LAMA1: variants seen among roughly 807,000 people sequenced by gnomAD.
LAMA1 encodes laminin subunit alpha-1.
Under a neutral mutation model 348.7 loss-of-function variants are expected in LAMA1, and 219 were observed. The observed-to-expected ratio is 0.63, with a 90% CI of 0.56 to 0.70. The LOEUF (loss-of-function observed/expected upper bound fraction) is 0.70. LAMA1 is among the 30% of genes least tolerant of loss of function. The pLI, the probability that LAMA1 is intolerant of heterozygous loss-of-function variation, is 0.00. For synonymous variants in LAMA1, 1,487 were observed against 1,491.0 expected (o/e 1.00, Z 0.06); for missense variants, 3,744 against 3,888.0 (o/e 0.96, Z 0.99).
In LAMA1 at chr18:6,950,828, G is replaced by T; in HGVS notation, c.8351C>A (p.Thr2784Lys). The T allele has an allele frequency of 1.2e-6, 2 of 1,614,122 alleles. No homozygotes were observed. The highest frequency in any genetic ancestry group is 1.7e-6 in the Non-Finnish European group (2 of 1,180,014). ...GAGCAGTGCAGGGTGAGAGACCTTT[G>T]TTCTGCCTTTGCCAAGGTCAAACAT... ...HFMFDLGKGRTKVSHPALLSD... is the reference protein window; with the variant it reads ...HFMFDLGKGRKKVSHPALLSD... The change falls in exon 58 of 63, where the codon ACA (threonine) becomes AAA (lysine). Residue 2784 changes from threonine to lysine, a missense_variant. Coordinates refer to ENST00000389658, the MANE Select transcript of LAMA1 (RefSeq NM_005559.4).
rs199752725 is a variant in LAMA1 at position 6,943,343 on chromosome 18, G to T, written c.8904C>A (p.Thr2968=). 8.9e-5 allele frequency: 144 copies of T among 1,613,970 alleles called. 1 individual carries two copies. The highest frequency in any genetic ancestry group is 1.6e-4 in the Middle Eastern group (1 of 6,084). The change falls in exon 62 of 63, where the codon ACC becomes ACA. Residue 2968 remains threonine (T), a synonymous_variant. Coordinates refer to ENST00000389658, the MANE Select transcript of LAMA1 (RefSeq NM_005559.4). ...GRITAAYEPK[T]ATVLCDGKWH... ...ATTTTCCATCACAGAGCACAGTGGCGGTTTTGGGCTCATATGCAGCTGTTA... is the reference window on the plus strand; with the variant it reads ...ATTTTCCATCACAGAGCACAGTGGCTGTTTTGGGCTCATATGCAGCTGTTA...
chr18:6,998,975 A>G (rs611944), intron 32 of LAMA1, among the ~76,000 whole-genome samples: 71,669 of 151,938 alleles, frequency 0.47, 18,706 homozygotes, highest in African/African-American at 0.72. Context: ...GGAGGTTGCA[A>G]TAAGCCGAGA....
intron 24 of LAMA1, 43 bp from the exon 25 acceptor site, chr18:7,011,522 C>G: frequency 6.5e-7 from 1 of 1,533,080 alleles, no homozygotes; most frequent in South Asian, 1.2e-5. Context: ...AAAATGCGAA[C>G]TTTCCACTCC....
At chr18:6,945,315 G>A (rs2057516929) in intron 61 of LAMA1, among the ~76,000 whole-genome samples, 2 of 152,028 alleles carry the variant, frequency 1.3e-5, no homozygotes, top group African/African-American at 4.8e-5. Context: ...ATGACATCAA[G>A]TTAGTTCTGG....
chr18:7,112,120 A>C (rs770271430), intron 1 of LAMA1, among the ~76,000 whole-genome samples: 1 of 152,238 alleles, frequency 6.6e-6, no homozygotes, highest in Non-Finnish European at 1.5e-5. Context: ...ATACTATAGT[A>C]AACAATACTT....
chr18:7,108,795 AAGTTGCAAAG>A (rs1481385974), intron 1 of LAMA1, among the ~76,000 whole-genome samples: 28 of 152,272 alleles, frequency 1.8e-4, no homozygotes, highest in African/African-American at 6.3e-4. Context: ...GCCAGGGGTG[AAGTTGCAAAG>A]AGTTGGAAAA....
In LAMA1 at chr18:7,101,540, C is replaced by T. The variant is rs148702985; in HGVS notation, c.61+16120G>A. Among the ~76,000 whole-genome samples the T allele has an allele frequency of 4.7e-3, 717 of 152,274 alleles. 10 individuals are homozygous for T. The highest frequency in any genetic ancestry group is 0.016 in the African/African-American group (679 of 41,542). On this transcript the variant is annotated intron_variant, in intron 1 of 62. Transcript: ENST00000389658. ...GTTCATAATGTGTATTGCAGAAGTG[C>T]GTGTTGGATCCAAGTTATTCTCTTG...
intron 9 of LAMA1, among the ~76,000 whole-genome samples, chr18:7,041,483 A>C (rs2058020402): frequency 6.6e-6 from 1 of 152,140 alleles, no homozygotes; most frequent in African/African-American, 2.4e-5. Context: ...ACCCATCCCT[A>C]CTGGTCGATA....
chr18:7,030,437 C>A (rs2057963548), intron 16 of LAMA1, among the ~76,000 whole-genome samples: 2 of 151,862 alleles, frequency 1.3e-5, no homozygotes, highest in African/African-American at 4.8e-5. Flanking sequence ...TGGGTTCGAT[C>A]CTACAAAAAA....
intron 1 of LAMA1, among the ~76,000 whole-genome samples, chr18:7,106,360 G>T (rs1195493701): frequency 1.3e-5 from 2 of 149,226 alleles, no homozygotes; most frequent in African/African-American, 5.1e-5. Flanking sequence ...CACCTGGGAA[G>T]CATTTTTTTT....
At chr18:7,072,256 T>A (rs2058149172) in intron 3 of LAMA1, among the ~76,000 whole-genome samples, 1 of 152,216 alleles carries the variant, frequency 6.6e-6, no homozygotes, top group Non-Finnish European at 1.5e-5. Flanking sequence ...TATCTGAAGA[T>A]CTTTGGGAAC....
chr18:7,083,356 T>C (rs2058201171), intron 1 of LAMA1, among the ~76,000 whole-genome samples: 1 of 151,950 alleles, frequency 6.6e-6, no homozygotes, highest in Admixed American at 6.6e-5. Flanking sequence ...CAGCTAATTT[T>C]TGTATTTTTA....
intron 32 of LAMA1, among the ~76,000 whole-genome samples, chr18:6,998,807 C>T (rs550935948): frequency 1.6e-4 from 24 of 152,212 alleles, no homozygotes; most frequent in South Asian, 2.1e-4. Flanking sequence ...CCAAGGCAGG[C>T]GGATTGCCTG....
intron 16 of LAMA1, among the ~76,000 whole-genome samples, chr18:7,027,171 A>C (rs1354956459): frequency 1.3e-5 from 2 of 152,156 alleles, no homozygotes; most frequent in African/African-American, 4.8e-5. Flanking sequence ...AACTGACAAA[A>C]CTGAGCAACA....
At chr18:7,059,675 C>T (rs988871083) in intron 3 of LAMA1, among the ~76,000 whole-genome samples, 4 of 152,272 alleles carry the variant, frequency 2.6e-5, no homozygotes, top group East Asian at 1.9e-4. Flanking sequence ...AGCTGTTCTC[C>T]GCAGGCTCTC....
At chr18:6,993,512 C>A in intron 35 of LAMA1, 129 bp downstream of exon 35, 1 of 767,678 alleles carries the variant, frequency 1.3e-6, no homozygotes, top group East Asian at 2.5e-5. Context: ...GATCCCCAAA[C>A]TATTCCAGCC....
In LAMA1 at chr18:6,941,812, G is replaced by A. The variant is rs1254018167; in HGVS notation, c.*267C>T. On this transcript the variant is annotated 3_prime_UTR_variant, in exon 63 of 63. Coordinates refer to ENST00000389658, the MANE Select transcript of LAMA1 (RefSeq NM_005559.4). ...AATGAAAAACATAAAATACTATCAA[G>A]TAATCAACAGAACATTCAATGTGTA... 2.2e-6 allele frequency: 1 copy of A among 452,734 alleles called. No homozygotes were observed. Among genetic ancestry groups the A allele is most frequent in the African/African-American group, 2.0e-5 (1 of 50,404 alleles). 28.0% of individuals were successfully genotyped at this position (452,734 alleles called of 1,614,324 possible). A position where few individuals can be genotyped will look rare whatever the true frequency, so the allele number is the denominator to read the frequency against.
chr18:7,010,907 C>G (rs920683319), intron 25 of LAMA1, among the ~76,000 whole-genome samples: 2 of 152,262 alleles, frequency 1.3e-5, no homozygotes, highest in South Asian at 4.2e-4. Flanking sequence ...TCCCATACCA[C>G]GTAATGATAT....
chr18:6,965,603 T>A, intron 49 of LAMA1, 171 bp from the exon 50 acceptor site: 1 of 664,044 alleles, frequency 1.5e-6, no homozygotes, highest in Non-Finnish European at 2.6e-6. Context: ...GAAGGCTTTC[T>A]AGAACACTAC....
Sources: allele counts gnomAD v4.1 joint callset (sites outside exome capture counted in the v4.1 genomes callset), GRCh38; gene constraint gnomAD v4.1.1; transcripts MANE v1.5; gene names NCBI Gene and HGNC (gene_info 2026-07-23, HGNC 2026-07-21).